The following LPP variants were observed in gnomAD, a reference collection of about 807,000 sequenced individuals.
The protein encoded by LPP is LIM domain containing preferred translocation partner in lipoma.
In LPP, 38 loss-of-function variants were observed where a neutral mutation model predicts 60.4. The observed-to-expected ratio is 0.63, with a 90% confidence interval of 0.49 to 0.83. LPP has a LOEUF of 0.83. Among genes scored for constraint, LPP ranks in the 40% least tolerant of loss-of-function variants. The pLI, the probability that LPP is intolerant of heterozygous loss-of-function variation, is 0.00. For missense variants in LPP, 902 were observed against 783.6 expected, an observed-to-expected ratio of 1.15 and a Z score of -1.80; for synonymous variants, 328 against 290.8, an observed-to-expected ratio of 1.13 and a Z score of -1.30.
intron 6 of LPP, among the ~76,000 whole-genome samples, chr3:188,588,838 G>A (rs1165951158): frequency 6.6e-6 from 1 of 152,090 alleles, no homozygotes; most frequent in Non-Finnish European, 1.5e-5. Flanking sequence ...AGCCATCCAT[G>A]TGTTGTGATT....
intron 8 of LPP, among the ~76,000 whole-genome samples, chr3:188,751,263 G>A (rs1002823754): frequency 5.9e-5 from 9 of 152,192 alleles, no homozygotes; most frequent in Non-Finnish European, 1.2e-4. Flanking sequence ...TTTACCCTTT[G>A]AGTGGACCTA....
At chr3:188,868,232 T>C (rs978643554) in intron 10 of LPP, among the ~76,000 whole-genome samples, 3 of 152,248 alleles carry the variant, frequency 2.0e-5, no homozygotes, top group African/African-American at 7.2e-5. Context: ...CTGATACTTA[T>C]AATCGGAGCA....
chr3:188,326,770 T>C (rs1462865611), intron 2 of LPP, among the ~76,000 whole-genome samples: 2 of 152,200 alleles, frequency 1.3e-5, no homozygotes, highest in Non-Finnish European at 2.9e-5. Flanking sequence ...TTCAGAATTA[T>C]ATTTCTAATT....
intron 5 of LPP, among the ~76,000 whole-genome samples, chr3:188,517,514 A>G (rs1262210525): frequency 6.6e-6 from 1 of 152,184 alleles, no homozygotes; most frequent in Non-Finnish European, 1.5e-5. Flanking sequence ...GTCCCTCATG[A>G]ATGGCTTGGT....
chr3:188,615,731 AG>A (rs1286047152), intron 7 of LPP, among the ~76,000 whole-genome samples: 2 of 152,016 alleles, frequency 1.3e-5, no homozygotes, highest in Non-Finnish European at 2.9e-5. Flanking sequence ...CCAGAGAAAA[AG>A]AGAGCAGCAT....
intron 3 of LPP, among the ~76,000 whole-genome samples, chr3:188,367,117 C>T (rs745326358): frequency 1.7e-4 from 26 of 151,930 alleles, no homozygotes; most frequent in Admixed American, 2.6e-4. Context: ...AGGATGGTCT[C>T]GATCTCCTGA....
At position 188,438,452 on chromosome 3, in the gene LPP, ATTTTCT is replaced by A. The variant is rs1792931063; in HGVS notation, c.193+32140_193+32145del. Among the ~76,000 whole-genome samples, 6 of 151,134 alleles carry A rather than the reference ATTTTCT, an allele frequency of 4.0e-5. No individual in the cohort carries two copies. In the South Asian group the frequency reaches 1.3e-3, roughly 32 times the overall value. On this transcript the variant is annotated intron_variant, in intron 4 of 11. Coordinates refer to ENST00000617246, the MANE Select transcript of LPP (RefSeq NM_001375462.1). The stretch of plus-strand genomic sequence containing the variant: ...TGAGGTAGTGCTATTATTAATATCC[ATTTTCT>A]GGATGAGGAAACTGAGGCCCCAACC...
chr3:188,774,802 CT>C (rs1412304060), intron 9 of LPP, among the ~76,000 whole-genome samples: 1 of 152,110 alleles, frequency 6.6e-6, no homozygotes, highest in Non-Finnish European at 1.5e-5. Flanking sequence ...TATAAGGTCA[CT>C]AGTACCATCA....
In LPP at chr3:188,769,067, T is replaced by C. The variant is rs188083849; in HGVS notation, c.1410+8785T>C. On this transcript the variant is annotated intron_variant, in intron 9 of 11. Coordinates refer to ENST00000617246, the MANE Select transcript of LPP (RefSeq NM_001375462.1). ...AAATGACAATTTTAGGTTTAGAATA[T>C]ATAACAGAAAAGTGTCCTCATACAG... Among the ~76,000 whole-genome samples the C allele has an allele frequency of 3.8e-4, 58 of 152,252 alleles. 1 individual carries two copies. Among genetic ancestry groups the C allele is most frequent in the African/African-American group, 1.3e-3 (56 of 41,564 alleles).
intron 2 of LPP, among the ~76,000 whole-genome samples, chr3:188,301,534 A>G (rs1048931679): frequency 6.6e-6 from 1 of 152,234 alleles, no homozygotes; most frequent in African/African-American, 2.4e-5. Flanking sequence ...GAGCTATTGT[A>G]TAGCTTCAGA....
chr3:188,315,045 T>C (rs1754632368), intron 2 of LPP, among the ~76,000 whole-genome samples: 1 of 151,474 alleles, frequency 6.6e-6, no homozygotes, highest in South Asian at 2.1e-4. Context: ...TTTTTTGGAG[T>C]GAAGAATGTG....
chr3:188,308,411 A>G (rs1330857201), intron 2 of LPP, among the ~76,000 whole-genome samples: 4 of 152,228 alleles, frequency 2.6e-5, no homozygotes, highest in Non-Finnish European at 4.4e-5. Context: ...ACCTTGAAAG[A>G]GTGCTAGTTT....
At chr3:188,696,502 T>G (rs921853787) in intron 7 of LPP, among the ~76,000 whole-genome samples, 1 of 152,030 alleles carries the variant, frequency 6.6e-6, no homozygotes, top group Non-Finnish European at 1.5e-5. Flanking sequence ...AGAAATTGCT[T>G]GAACCTGGGA....
chr3:188,846,683 CAAAAAA>C (rs34230552), intron 9 of LPP, among the ~76,000 whole-genome samples: 1 of 84,622 alleles, frequency 1.2e-5, no homozygotes, highest in African/African-American at 4.7e-5. Context: ...GATTCCATCT[CAAAAAA>C]AAAAAAAAAA....
intron 6 of LPP, among the ~76,000 whole-genome samples, chr3:188,558,401 G>C (rs1829961807): frequency 6.6e-6 from 1 of 152,006 alleles, no homozygotes; most frequent in Admixed American, 6.6e-5. Flanking sequence ...TACCTGAGGA[G>C]CTGCCTCCTA....
chr3:188,838,286 G>T (rs1758996893), intron 9 of LPP, among the ~76,000 whole-genome samples: 2 of 152,156 alleles, frequency 1.3e-5, no homozygotes, highest in South Asian at 4.1e-4. Context: ...ATGAAAAAAA[G>T]ATTCTAGGAG....
chr3:188,209,470 C>T (rs937774782), intron 1 of LPP, among the ~76,000 whole-genome samples: 2 of 152,210 alleles, frequency 1.3e-5, no homozygotes, highest in African/African-American at 4.8e-5. Context: ...TCAGGGATCA[C>T]AAGCTCCCAG....
intron 9 of LPP, among the ~76,000 whole-genome samples, chr3:188,844,240 A>T (rs1264545175): frequency 6.6e-6 from 1 of 152,188 alleles, no homozygotes; most frequent in Non-Finnish European, 1.5e-5. Flanking sequence ...TGTATAATCT[A>T]AGTTTAGGCA....
intron 5 of LPP, among the ~76,000 whole-genome samples, chr3:188,520,896 T>C (rs1036410844): frequency 1.3e-5 from 2 of 152,126 alleles, no homozygotes; most frequent in Admixed American, 6.6e-5. Context: ...GCTACAAAGA[T>C]AGGGAGTTAG....
Sources: gnomAD v4.1 joint callset for allele counts (sites outside exome capture counted in the v4.1 genomes callset) on GRCh38, gnomAD v4.1.1 for gene constraint, MANE v1.5 for transcripts, NCBI Gene and HGNC (gene_info 2026-07-23, HGNC 2026-07-21) for gene names.